Variants in RERE observed in about 807,000 individuals in gnomAD.
RERE encodes arginine-glutamic acid dipeptide repeats.
A neutral mutation model predicts 146.1 loss-of-function variants in RERE; 40 were observed. The observed-to-expected ratio is 0.27, with a 90% confidence interval of 0.21 to 0.36. RERE has a LOEUF of 0.36. Among genes scored for constraint, RERE ranks in the 10% least tolerant of loss-of-function variants. The pLI, the probability that RERE is intolerant of heterozygous loss-of-function variation, is 1.00. For missense variants in RERE, 1,933 were observed against 2,138.7 expected, an observed-to-expected ratio of 0.90 and a Z score of 1.90; for synonymous variants, 1,003 against 866.0, an observed-to-expected ratio of 1.16 and a Z score of -2.78.
intron 1 of RERE, among the ~76,000 whole-genome samples, chr1:8,788,823 G>A (rs976804037): frequency 5.9e-5 from 9 of 151,886 alleles, no homozygotes; most frequent in African/African-American, 2.2e-4. Flanking sequence ...TGCTTTCAGA[G>A]CACACAGGGT....
chr1:8,440,796 C>G (rs957061827), intron 11 of RERE, among the ~76,000 whole-genome samples: 3 of 151,070 alleles, frequency 2.0e-5, no homozygotes, highest in Admixed American at 1.3e-4. Context: ...CTTGGGGAGG[C>G]TGAGGCAGGA....
intron 11 of RERE, among the ~76,000 whole-genome samples, chr1:8,435,043 G>T (rs920421940): frequency 8.5e-5 from 13 of 152,296 alleles, no homozygotes; most frequent in African/African-American, 2.9e-4. Context: ...ATTATCAGGG[G>T]TAACGTGTTA....
intron 1 of RERE, among the ~76,000 whole-genome samples, chr1:8,736,851 G>GAAAA (rs34872965): frequency 1.0e-5 from 1 of 99,808 alleles, no homozygotes. Context: ...AAGCAAGGGG[G>GAAAA]AAAAAAAAAA....
rs150809048 is a variant in RERE, at chr1:8,399,214, T to C, written c.1284+23513A>G. ...GGTTTCCTATAAAACACAGACTTTT[T>C]AAGTCTTAATATAGATAAATATATT... On this transcript the variant is annotated intron_variant, in intron 12 of 22. Transcript: ENST00000400908. 3.2e-4 allele frequency among the ~76,000 whole-genome samples: 48 copies of C among 152,248 alleles called. No homozygotes were observed. In the East Asian group the frequency reaches 7.9e-3, roughly 25 times the overall value.
chr1:8,692,319 T>G (rs879926840), intron 1 of RERE, among the ~76,000 whole-genome samples: 1 of 150,930 alleles, frequency 6.6e-6, no homozygotes, highest in Non-Finnish European at 1.5e-5. Flanking sequence ...TATCTGCATA[T>G]AACCTACTCA....
At chr1:8,484,400 T>C (rs1219938969) in intron 10 of RERE, among the ~76,000 whole-genome samples, 1 of 151,834 alleles carries the variant, frequency 6.6e-6, no homozygotes, top group East Asian at 1.9e-4. Flanking sequence ...CATAAGCTTA[T>C]ATTTAATATA....
Position 8,399,909 on chromosome 1 carries a change from TAA to T in RERE, c.1284+22816_1284+22817del, listed in dbSNP as rs2124438649. Among the ~76,000 whole-genome samples the T allele has an allele frequency of 3.3e-5, 5 of 152,004 alleles. No homozygotes were observed. The South Asian group carries it at 1.0e-3, about 32-fold the overall frequency. On this transcript the variant is annotated intron_variant, in intron 12 of 22. Transcript: ENST00000400908. The stretch of plus-strand genomic sequence containing the variant: ...CCACTGTGAACAGCATTTTTTTTTT[TAA>T]GAGACAGAGTCTCACTATGTCATTC...
intron 6 of RERE, among the ~76,000 whole-genome samples, chr1:8,553,776 T>A (rs1435726158): frequency 6.6e-6 from 1 of 152,232 alleles, no homozygotes; most frequent in Admixed American, 6.5e-5. Context: ...GACAGTGACT[T>A]ACACATTTAC....
chr1:8,538,213 A>G (rs139636799), intron 7 of RERE, among the ~76,000 whole-genome samples: 286 of 152,304 alleles, frequency 1.9e-3, no homozygotes, highest in African/African-American at 6.4e-3. Flanking sequence ...TCCTTTCTAC[A>G]TTAACTTACA....
In RERE at chr1:8,782,739, C is replaced by T. The variant is rs564722405; in HGVS notation, c.-145+34421G>A. On this transcript the variant is annotated intron_variant, in intron 1 of 22. Transcript: ENST00000400908. ...TGGCCAAAATGGTGAAATCCTGTCT[C>T]TACTAAAAACACAAAAATTAGCTGG... Among the ~76,000 whole-genome samples the T allele has an allele frequency of 5.0e-4, 76 of 151,160 alleles. 1 individual carries two copies. In the South Asian group the frequency reaches 0.011, roughly 21 times the overall value.
chr1:8,432,773 T>G (rs748385684), intron 11 of RERE, among the ~76,000 whole-genome samples: 1 of 152,180 alleles, frequency 6.6e-6, no homozygotes, highest in Non-Finnish European at 1.5e-5. Context: ...ACATAATACA[T>G]GTTTGGTAGG....
Position 8,354,889 on chromosome 1 carries a change from T to C in RERE, c.*198A>G, listed in dbSNP as rs1641225770. 2 of 598,670 alleles carry C rather than the reference T, an allele frequency of 3.3e-6. No homozygotes were observed. Among genetic ancestry groups the C allele is most frequent in the African/African-American group, 3.7e-5 (2 of 53,422 alleles). The allele number at this position is 598,670 out of a possible 1,614,324, so 37.1% of individuals were successfully genotyped here. On this transcript the variant is annotated 3_prime_UTR_variant, in exon 23 of 23. Coordinates refer to ENST00000400908, the MANE Select transcript of RERE (RefSeq NM_001042681.2). ...TCTGGGGGACTGTCATGCAGGGAGA[T>C]CCAAACCAGTCTCAGGAAATCCTCT...
chr1:8,559,904 G>A (rs1343913971), intron 4 of RERE, among the ~76,000 whole-genome samples: 1 of 152,158 alleles, frequency 6.6e-6, no homozygotes, highest in Non-Finnish European at 1.5e-5. Flanking sequence ...ACATGGGAGA[G>A]CAGCTAGAAA....
intron 2 of RERE, among the ~76,000 whole-genome samples, chr1:8,641,236 A>C (rs897140116): frequency 2.0e-5 from 3 of 152,230 alleles, no homozygotes; most frequent in African/African-American, 7.2e-5. Context: ...CCACCATGCC[A>C]CTTCAAATGA....
intron 1 of RERE, among the ~76,000 whole-genome samples, chr1:8,778,863 G>A (rs570986903): frequency 1.9e-4 from 28 of 151,140 alleles, no homozygotes; most frequent in Non-Finnish European, 3.8e-4. Context: ...TTTTGTTTTT[G>A]TTTTGAGACA....
intron 4 of RERE, among the ~76,000 whole-genome samples, chr1:8,557,840 TATACA>T (rs1258471763): frequency 2.0e-5 from 3 of 152,252 alleles, no homozygotes; most frequent in Non-Finnish European, 4.4e-5. Flanking sequence ...TAACATTAAC[TATACA>T]ATACTACATT....
chr1:8,575,561 A>ATATATAT (rs1337650659), intron 4 of RERE, among the ~76,000 whole-genome samples: 6 of 98,656 alleles, frequency 6.1e-5, no homozygotes, highest in South Asian at 3.5e-4. Context: ...ATATATATAT[A>ATATATAT]TTTTTTTTTT....
intron 1 of RERE, among the ~76,000 whole-genome samples, chr1:8,672,330 C>T (rs1184025055): frequency 6.6e-6 from 1 of 152,102 alleles, no homozygotes; most frequent in African/African-American, 2.4e-5. Context: ...CGTATCACCA[C>T]ACCTGGCTAA....
At chr1:8,724,661 G>A (rs577003983) in intron 1 of RERE, among the ~76,000 whole-genome samples, 22 of 151,598 alleles carry the variant, frequency 1.5e-4, no homozygotes, top group African/African-American at 2.7e-4. Flanking sequence ...CGACCCCGTC[G>A]CTACTAAAAA....
Sources: gnomAD v4.1 joint callset for allele counts (sites outside exome capture counted in the v4.1 genomes callset) on GRCh38, gnomAD v4.1.1 for gene constraint, MANE v1.5 for transcripts, NCBI Gene and HGNC (gene_info 2026-07-23, HGNC 2026-07-21) for gene names.